Variants in SH3RF2 observed in about 807,000 individuals in gnomAD.
SH3RF2 encodes E3 ubiquitin-protein ligase SH3RF2.
Under a neutral mutation model 59.0 loss-of-function variants are expected in SH3RF2, and 43 were observed. The ratio of observed to expected loss-of-function variants is 0.73; its 90% CI spans 0.57 to 0.94. The LOEUF is 0.94. Among genes scored for constraint, SH3RF2 ranks in the 40% least tolerant of loss-of-function variants. The pLI, the probability that SH3RF2 is intolerant of heterozygous loss-of-function variation, is 0.00. For missense variants in SH3RF2, 930 were observed against 940.1 expected, an observed-to-expected ratio of 0.99 and a Z score of 0.14; for synonymous variants, 391 against 391.5, an observed-to-expected ratio of 1.00 and a Z score of 0.01.
intron 2 of SH3RF2, among the ~76,000 whole-genome samples, chr5:145,966,711 G>A (rs1758870340): frequency 6.6e-6 from 1 of 152,124 alleles, no homozygotes; most frequent in African/African-American, 2.4e-5. Flanking sequence ...AGAATACTCA[G>A]GGAAAAAATA....
chr5:145,999,022 T>C (rs1760283349), intron 2 of SH3RF2, among the ~76,000 whole-genome samples: 1 of 99,112 alleles, frequency 1.0e-5, no homozygotes, highest in African/African-American at 3.2e-5. Context: ...AATACTTTAT[T>C]ACTAAAAAAA....
At chr5:145,956,206 A>G (rs1198931299) in intron 2 of SH3RF2, among the ~76,000 whole-genome samples, 1 of 152,216 alleles carries the variant, frequency 6.6e-6, no homozygotes, top group Non-Finnish European at 1.5e-5. Context: ...GAAAGCTGGA[A>G]GAATAGTCAC....
intron 2 of SH3RF2, among the ~76,000 whole-genome samples, chr5:145,987,988 C>G (rs1438789350): frequency 3.3e-5 from 5 of 152,210 alleles, no homozygotes; most frequent in Non-Finnish European, 5.9e-5. Flanking sequence ...ACTCACACAA[C>G]TCAGCAAAGC....
In SH3RF2 at chr5:145,941,299, T is replaced by C. The variant is rs113848844; in HGVS notation, c.378+2993T>C. Among the ~76,000 whole-genome samples the C allele has an allele frequency of 2.5e-3, 380 of 152,280 alleles. 1 individual carries two copies. The highest frequency in any genetic ancestry group is 8.4e-3 in the African/African-American group (351 of 41,560). On this transcript the variant is annotated intron_variant, in intron 2 of 9. Transcript: ENST00000359120. ...AACCAGTGTTCTAGGGTGGAACCAATAGTCACACCTCATGGTGCCAGCCCA... is the reference window on the plus strand; with the variant it reads ...AACCAGTGTTCTAGGGTGGAACCAACAGTCACACCTCATGGTGCCAGCCCA...
intron 4 of SH3RF2, among the ~76,000 whole-genome samples, chr5:146,012,497 CT>C (rs1309938603): frequency 6.6e-6 from 1 of 152,108 alleles, no homozygotes; most frequent in African/African-American, 2.4e-5. Context: ...TGGTCCTGGA[CT>C]TTTCTTGGTT....
intron 5 of SH3RF2, among the ~76,000 whole-genome samples, chr5:146,044,139 GTTTTTTTTTGTTTTT>G (rs1223644927): frequency 7.5e-5 from 11 of 147,166 alleles, no homozygotes; most frequent in African/African-American, 2.5e-4. Context: ...GTCCGTTTTT[GTTTTTTTTTGTTTTT>G]TTTTTTTTGT....
At chr5:145,990,760 T>C (rs1432922059) in intron 2 of SH3RF2, among the ~76,000 whole-genome samples, 1 of 152,192 alleles carries the variant, frequency 6.6e-6, no homozygotes, top group African/African-American at 2.4e-5. Context: ...ATTTTAGGTA[T>C]ACACAAGGAA....
intron 4 of SH3RF2, among the ~76,000 whole-genome samples, chr5:146,012,205 C>A (rs900679752): frequency 1.3e-5 from 2 of 151,828 alleles, no homozygotes; most frequent in Admixed American, 1.3e-4. Flanking sequence ...GTATGTTGAA[C>A]CAGCCTTGCA....
chr5:146,023,436 T>C (rs368975842), intron 5 of SH3RF2, among the ~76,000 whole-genome samples: 46 of 152,290 alleles, frequency 3.0e-4, no homozygotes, highest in African/African-American at 1.0e-3. Context: ...CTCAAACTCC[T>C]GGACTCAAGT....
chr5:145,995,215 G>A (rs1760100396), intron 2 of SH3RF2, among the ~76,000 whole-genome samples: 1 of 152,148 alleles, frequency 6.6e-6, no homozygotes, highest in South Asian at 2.1e-4. Flanking sequence ...AGATGGAGGA[G>A]AGGAAAAGAA....
intron 2 of SH3RF2, among the ~76,000 whole-genome samples, chr5:145,994,291 GTCT>G (rs1303750067): frequency 6.6e-6 from 1 of 152,146 alleles, no homozygotes; most frequent in African/African-American, 2.4e-5. Flanking sequence ...ACATTTTGCT[GTCT>G]TCTTCTGAGC....
At chr5:146,056,962 GC>G (rs1762693140) in intron 8 of SH3RF2, among the ~76,000 whole-genome samples, 1 of 152,052 alleles carries the variant, frequency 6.6e-6, no homozygotes, top group South Asian at 2.1e-4. Context: ...TCCTTTTCAG[GC>G]ATTGTAAAAA....
At chr5:145,945,127 G>T (rs1392547828) in intron 2 of SH3RF2, among the ~76,000 whole-genome samples, 1 of 152,096 alleles carries the variant, frequency 6.6e-6, no homozygotes, top group Non-Finnish European at 1.5e-5. Context: ...AAGATGTATT[G>T]TCTATTTAGT....
At chr5:145,975,036 A>G (rs1293610677) in intron 2 of SH3RF2, among the ~76,000 whole-genome samples, 1 of 152,146 alleles carries the variant, frequency 6.6e-6, no homozygotes, top group Non-Finnish European at 1.5e-5. Flanking sequence ...GGAACCAAAC[A>G]CTACAGCCAA....
chr5:146,020,937 C>G (rs377705618), intron 5 of SH3RF2, among the ~76,000 whole-genome samples: 1 of 152,102 alleles, frequency 6.6e-6, no homozygotes. Context: ...TGAGCTGTCA[C>G]GAGCCTTGGG....
At chr5:145,961,107 G>A (rs144323111) in intron 2 of SH3RF2, among the ~76,000 whole-genome samples, 2,335 of 151,752 alleles carry the variant, frequency 0.015, 34 homozygotes, top group Middle Eastern at 0.035. Context: ...AAAATAAAGA[G>A]GGCAAATTGA....
Position 146,019,833 on chromosome 5 carries a change from T to C in SH3RF2, c.1059+5772T>C, listed in dbSNP as rs536174944. Among the ~76,000 whole-genome samples, 5 of 152,296 alleles carry C rather than the reference T, an allele frequency of 3.3e-5. No homozygotes were observed. In the East Asian group the frequency reaches 7.7e-4, roughly 24 times the overall value. ...TCTTTCACCTCCTTGGTTAAGTATATTTTTGTAAATATTTTTAAATTATTT... is the reference window on the plus strand; with the variant it reads ...TCTTTCACCTCCTTGGTTAAGTATACTTTTGTAAATATTTTTAAATTATTT... On this transcript the variant is annotated intron_variant, in intron 5 of 9. Transcript: ENST00000359120.
intron 5 of SH3RF2, among the ~76,000 whole-genome samples, chr5:146,015,289 C>T (rs1313375777): frequency 6.6e-6 from 1 of 152,102 alleles, no homozygotes; most frequent in Non-Finnish European, 1.5e-5. Flanking sequence ...TGTAATTCTG[C>T]CCACCAACTG....
intron 4 of SH3RF2, among the ~76,000 whole-genome samples, chr5:146,006,197 A>C (rs1760637972): frequency 6.6e-6 from 1 of 152,180 alleles, no homozygotes; most frequent in Non-Finnish European, 1.5e-5. Flanking sequence ...CCAAGGCAGA[A>C]GGATTACTTG....
Sources: allele counts gnomAD v4.1 joint callset (sites outside exome capture counted in the v4.1 genomes callset), GRCh38; gene constraint gnomAD v4.1.1; transcripts MANE v1.5; gene names NCBI Gene and HGNC (gene_info 2026-07-23, HGNC 2026-07-21).